Variants in ZBBX observed in about 807,000 individuals in gnomAD.
ZBBX encodes zinc finger B-box domain containing.
Under a neutral mutation model 108.5 loss-of-function variants are expected in ZBBX, and 101 were observed. The observed-to-expected ratio is 0.93, with a 90% CI of 0.79 to 1.10. The LOEUF is 1.10. Among genes scored for constraint, ZBBX ranks in the 50% least tolerant of loss-of-function variants. The probability of loss-of-function intolerance (pLI) is 0.00; values close to 1 mark genes in which losing one functional copy is unlikely to be tolerated. For missense variants in ZBBX, 1,009 were observed against 941.4 expected, an observed-to-expected ratio of 1.07 and a Z score of -0.94; for synonymous variants, 356 against 323.4, an observed-to-expected ratio of 1.10 and a Z score of -1.08.
At chr3:167,331,283 A>G (rs1203593762) in intron 10 of ZBBX, among the ~76,000 whole-genome samples, 2 of 152,174 alleles carry the variant, frequency 1.3e-5, no homozygotes. Context: ...GGCGCCTCCA[A>G]CAATAACATT....
At chr3:167,215,216 TA>T in the ZBBX span, among the ~76,000 whole-genome samples, 2 of 151,144 alleles carry the variant, frequency 1.3e-5, no homozygotes, top group African/African-American at 4.9e-5. Context: ...TTTAAAGATG[TA>T]AAATAGGCCA....
intron 20 of ZBBX, among the ~76,000 whole-genome samples, chr3:167,251,388 A>C (rs1472314664): frequency 6.6e-6 from 1 of 152,108 alleles, no homozygotes; most frequent in African/African-American, 2.4e-5. Flanking sequence ...ATCCTGTAAC[A>C]CACACCCACT....
chr3:167,374,002 G>A (rs1435829821), intron 2 of ZBBX, among the ~76,000 whole-genome samples: 2 of 152,112 alleles, frequency 1.3e-5, no homozygotes, highest in African/African-American at 2.4e-5. Flanking sequence ...ACAAACTAAA[G>A]CACATATTCT....
At chr3:167,289,250 T>G (rs1730236617) in intron 18 of ZBBX, among the ~76,000 whole-genome samples, 1 of 152,112 alleles carries the variant, frequency 6.6e-6, no homozygotes, top group South Asian at 2.1e-4. Flanking sequence ...ATACATAAGA[T>G]GCCTAAGAAT....
At chr3:167,274,757 C>T (rs566194661) in intron 20 of ZBBX, among the ~76,000 whole-genome samples, 1 of 152,300 alleles carries the variant, frequency 6.6e-6, no homozygotes, top group Non-Finnish European at 1.5e-5. Flanking sequence ...CGTCCCCCTC[C>T]TTTCCATATT....
chr3:167,349,397 G>C (rs1742256604), intron 9 of ZBBX, among the ~76,000 whole-genome samples: 1 of 151,974 alleles, frequency 6.6e-6, no homozygotes, highest in Non-Finnish European at 1.5e-5. Flanking sequence ...AGAAGTAGCA[G>C]GTTGGTTTTT....
chr3:167,186,800 T>C, the ZBBX span, among the ~76,000 whole-genome samples: 1 of 152,246 alleles, frequency 6.6e-6, no homozygotes, highest in South Asian at 2.1e-4. Flanking sequence ...CTGATACAGA[T>C]AGAGGAATGA....
At chr3:167,337,531 T>G (rs1739772317) in intron 9 of ZBBX, among the ~76,000 whole-genome samples, 1 of 151,840 alleles carries the variant, frequency 6.6e-6, no homozygotes, top group African/African-American at 2.4e-5. Flanking sequence ...AAAAAAAAAG[T>G]TTATCTAGGA....
At chr3:167,339,148 T>C (rs183669697) in intron 9 of ZBBX, among the ~76,000 whole-genome samples, 1 of 152,262 alleles carries the variant, frequency 6.6e-6, no homozygotes, top group Admixed American at 6.6e-5. Context: ...CCCAACGTGT[T>C]ATTGTTTTGA....
intron 16 of ZBBX, among the ~76,000 whole-genome samples, chr3:167,312,840 T>C (rs1025986926): frequency 1.3e-5 from 2 of 152,218 alleles, no homozygotes; most frequent in Non-Finnish European, 2.9e-5. Context: ...TACACAAATC[T>C]ACCACTGCTT....
the ZBBX span, among the ~76,000 whole-genome samples, chr3:167,213,204 T>A: frequency 2.6e-5 from 4 of 152,052 alleles, no homozygotes; most frequent in African/African-American, 9.7e-5. Context: ...GAGGCTAGAA[T>A]GACAGAAATA....
chr3:167,392,240 C>T (rs1012431434), intron 1 of ZBBX, among the ~76,000 whole-genome samples: 2 of 151,632 alleles, frequency 1.3e-5, no homozygotes, highest in African/African-American at 4.8e-5. Flanking sequence ...CAGTTTGTTC[C>T]CTGTCATTAC....
At chr3:167,355,331 G>A (rs962033041) in intron 8 of ZBBX, among the ~76,000 whole-genome samples, 3 of 151,876 alleles carry the variant, frequency 2.0e-5, no homozygotes, top group Non-Finnish European at 2.9e-5. Context: ...AACTCATTAC[G>A]TGTGATAACT....
At position 167,240,083 on chromosome 3, in the gene ZBBX, C is replaced by T. The variant is rs1488882354; in HGVS notation, c.*710G>A. Among the ~76,000 whole-genome samples the T allele has an allele frequency of 1.3e-5, 2 of 152,100 alleles. No homozygotes were observed. The highest frequency in any genetic ancestry group is 2.4e-5 in the African/African-American group (1 of 41,420). ...ATGATTCAATTACTTCCCACCAGGT[C>T]CCTCCCAGGACACCTGGAGATTATA... On this transcript the variant is annotated 3_prime_UTR_variant, in exon 22 of 22. Coordinates refer to ENST00000675490, the MANE Select transcript of ZBBX (RefSeq NM_001199201.2).
chr3:167,348,352 G>GAAAT (rs763979229), intron 9 of ZBBX, among the ~76,000 whole-genome samples: 1 of 103,784 alleles, frequency 9.6e-6, no homozygotes, highest in Non-Finnish European at 1.9e-5. Flanking sequence ...AAGAAAGAAA[G>GAAAT]AAAGAAAGAA....
the ZBBX span, among the ~76,000 whole-genome samples, chr3:167,233,892 G>A: frequency 2.6e-5 from 4 of 151,676 alleles, no homozygotes; most frequent in Non-Finnish European, 4.4e-5. Context: ...TGAGAAGGGG[G>A]CCCAGAGACT....
At chr3:167,284,199 T>TATAG (rs1312582388) in intron 19 of ZBBX, among the ~76,000 whole-genome samples, 1 of 150,324 alleles carries the variant, frequency 6.7e-6, no homozygotes, top group Non-Finnish European at 1.5e-5. Context: ...TATCTATATA[T>TATAG]ATATATAATT....
intron 20 of ZBBX, among the ~76,000 whole-genome samples, chr3:167,280,984 C>A (rs1000733314): frequency 4.6e-5 from 7 of 152,148 alleles, no homozygotes; most frequent in Admixed American, 2.0e-4. Context: ...AATCATCATT[C>A]TCAGTAAACT....
At chr3:167,253,109 G>GA (rs1722896026) in intron 20 of ZBBX, among the ~76,000 whole-genome samples, 1 of 152,168 alleles carries the variant, frequency 6.6e-6, no homozygotes, top group Non-Finnish European at 1.5e-5. Context: ...TAAATAAATA[G>GA]AAAAAGCAGA....
Sources: allele counts gnomAD v4.1 joint callset (sites outside exome capture counted in the v4.1 genomes callset), GRCh38; gene constraint gnomAD v4.1.1; transcripts MANE v1.5; gene names NCBI Gene and HGNC (gene_info 2026-07-23, HGNC 2026-07-21).